SCHIP1: variants seen among roughly 807,000 people sequenced by gnomAD.
SCHIP1 encodes schwannomin-interacting protein 1.
A neutral mutation model predicts 29.7 loss-of-function variants in SCHIP1; 8 were observed. That is an observed-to-expected ratio of 0.27 (90% CI 0.16 to 0.49). SCHIP1 has a LOEUF of 0.49. Among genes scored for constraint, SCHIP1 ranks in the 20% least tolerant of loss-of-function variants. The probability of loss-of-function intolerance (pLI) is 0.99; values close to 1 mark genes in which losing one functional copy is unlikely to be tolerated. For missense variants in SCHIP1, 193 were observed against 294.6 expected, an observed-to-expected ratio of 0.66 and a Z score of 2.52; for synonymous variants, 76 against 94.9, an observed-to-expected ratio of 0.80 and a Z score of 1.16.
At chr3:159,654,728 AC>A in the SCHIP1 span, among the ~76,000 whole-genome samples, 3 of 150,756 alleles carry the variant, frequency 2.0e-5, no homozygotes, top group African/African-American at 7.4e-5. Context: ...GGATGGAGCT[AC>A]GGGACACTTC....
chr3:159,492,279 G>A, the SCHIP1 span, among the ~76,000 whole-genome samples: 2 of 152,156 alleles, frequency 1.3e-5, no homozygotes, highest in Non-Finnish European at 2.9e-5. Context: ...GAGAGAAGAA[G>A]GCTTCAGAAG....
At chr3:159,498,655 G>T in the SCHIP1 span, among the ~76,000 whole-genome samples, 1 of 151,296 alleles carries the variant, frequency 6.6e-6, no homozygotes, top group African/African-American at 2.4e-5. Context: ...TCAAGACTAA[G>T]TCACACTTTG....
chr3:159,283,968 T>C, the SCHIP1 span, among the ~76,000 whole-genome samples: 1 of 152,190 alleles, frequency 6.6e-6, no homozygotes, highest in South Asian at 2.1e-4. Context: ...TATTTTATGG[T>C]ATGTTGTTTA....
the SCHIP1 span, among the ~76,000 whole-genome samples, chr3:159,426,202 C>A: frequency 6.6e-6 from 1 of 151,938 alleles, no homozygotes; most frequent in African/African-American, 2.4e-5. Context: ...CAGAGCAGAA[C>A]TGAAGGAAAT....
At chr3:159,796,362 T>C in the SCHIP1 span, among the ~76,000 whole-genome samples, 4 of 151,880 alleles carry the variant, frequency 2.6e-5, no homozygotes, top group Non-Finnish European at 5.9e-5. Context: ...GGGGGAAGCA[T>C]TGAGGAATCG....
chr3:159,801,647 G>A, the SCHIP1 span, among the ~76,000 whole-genome samples: 2 of 152,006 alleles, frequency 1.3e-5, no homozygotes, highest in South Asian at 2.1e-4. Context: ...TTAACCTCCT[G>A]TTATAATCAA....
At chr3:159,814,679 G>GT in the SCHIP1 span, among the ~76,000 whole-genome samples, 2 of 152,222 alleles carry the variant, frequency 1.3e-5, no homozygotes, top group African/African-American at 2.4e-5. Flanking sequence ...AAGTGGGTGT[G>GT]TAGCCCAGGT....
At chr3:159,837,899 G>A (rs1191317154), upstream of SCHIP1, among the ~76,000 whole-genome samples, 2 of 152,130 alleles carry the variant, frequency 1.3e-5, no homozygotes, top group Admixed American at 6.5e-5. Flanking sequence ...CCTACCCCCA[G>A]GCTTCTGCTT....
the SCHIP1 span, among the ~76,000 whole-genome samples, chr3:159,520,477 G>T: frequency 3.3e-5 from 5 of 152,184 alleles, no homozygotes; most frequent in African/African-American, 1.2e-4. Flanking sequence ...CTTGTGTGAA[G>T]TCTAGCATTA....
chr3:159,888,532 G>T, intron 4 of SCHIP1: 1 of 288,476 alleles, frequency 3.5e-6, no homozygotes, highest in Non-Finnish European at 6.4e-6. Context: ...TATTATTGAT[G>T]TTCCTTGATA....
the SCHIP1 span, among the ~76,000 whole-genome samples, chr3:159,440,527 G>A: frequency 3.3e-5 from 5 of 152,070 alleles, no homozygotes; most frequent in Non-Finnish European, 5.9e-5. Context: ...GATTTTTACT[G>A]TGCAACTTGC....
chr3:159,831,205 T>C, the SCHIP1 span, among the ~76,000 whole-genome samples: 2 of 152,218 alleles, frequency 1.3e-5, no homozygotes, highest in East Asian at 1.9e-4. Context: ...TAAAATCTAA[T>C]GAATGAGGGC....
At chr3:159,809,161 C>T in the SCHIP1 span, among the ~76,000 whole-genome samples, 9 of 150,602 alleles carry the variant, frequency 6.0e-5, no homozygotes, top group African/African-American at 2.2e-4. Flanking sequence ...CAACAGGCCC[C>T]AGTGTGTGAT....
chr3:159,636,738 A>G, the SCHIP1 span, among the ~76,000 whole-genome samples: 2 of 152,254 alleles, frequency 1.3e-5, no homozygotes, highest in Non-Finnish European at 2.9e-5. Context: ...TCAAGGGACT[A>G]CACGTTTAAA....
chr3:159,322,221 A>G, the SCHIP1 span, among the ~76,000 whole-genome samples: 2 of 152,300 alleles, frequency 1.3e-5, no homozygotes, highest in East Asian at 3.9e-4. Flanking sequence ...CACCGTGTGG[A>G]AGACACCATT....
At chr3:159,695,716 T>C in the SCHIP1 span, among the ~76,000 whole-genome samples, 1 of 152,192 alleles carries the variant, frequency 6.6e-6, no homozygotes, top group African/African-American at 2.4e-5. Context: ...ATTTGTCCCA[T>C]TGCTTCTAGT....
chr3:159,495,567 T>C, the SCHIP1 span, among the ~76,000 whole-genome samples: 1 of 152,136 alleles, frequency 6.6e-6, no homozygotes, highest in African/African-American at 2.4e-5. Context: ...GAAGGACCTC[T>C]TCAAAGAGAA....
At chr3:159,572,947 T>A in the SCHIP1 span, among the ~76,000 whole-genome samples, 1 of 151,744 alleles carries the variant, frequency 6.6e-6, no homozygotes, top group Non-Finnish European at 1.5e-5. Flanking sequence ...TTTTTTTTTT[T>A]TTCTTTCCAT....
chr3:159,481,396 G>A, the SCHIP1 span, among the ~76,000 whole-genome samples: 1 of 152,180 alleles, frequency 6.6e-6, no homozygotes, highest in Non-Finnish European at 1.5e-5. Flanking sequence ...TAAGTGTTCT[G>A]TATTGACTGT....
Sources: allele counts gnomAD v4.1 joint callset (sites outside exome capture counted in the v4.1 genomes callset), GRCh38; gene constraint gnomAD v4.1.1; transcripts MANE v1.5; gene names NCBI Gene and HGNC (gene_info 2026-07-23, HGNC 2026-07-21).